TEAD4: variants seen among roughly 807,000 people sequenced by gnomAD.
The protein encoded by TEAD4 is TEA domain transcription factor 4, also known as transcriptional enhancer factor TEF-3.
A neutral mutation model predicts 52.4 loss-of-function variants in TEAD4; 36 were observed. That is an observed-to-expected ratio of 0.69 (90% CI 0.53 to 0.91). TEAD4 has a LOEUF of 0.91. Among genes scored for constraint, TEAD4 ranks in the 40% least tolerant of loss-of-function variants. The pLI is 0.00. For synonymous variants in TEAD4, 220 were observed against 231.0 expected (o/e 0.95, Z 0.43); for missense variants, 508 against 583.9 (o/e 0.87, Z 1.34).
chr12:3,024,933 T>G (rs1292953258), intron 10 of TEAD4, among the ~76,000 whole-genome samples: 1 of 138,964 alleles, frequency 7.2e-6, no homozygotes. Context: ...CTGCTCCAGT[T>G]TGAACGTGTT....
At chr12:2,999,293 C>G (rs1000012605) in intron 3 of TEAD4, among the ~76,000 whole-genome samples, 2 of 152,134 alleles carry the variant, frequency 1.3e-5, no homozygotes, top group Non-Finnish European at 2.9e-5. Context: ...GGTCTTTTCT[C>G]CCCCCTCACT....
At chr12:3,037,228 A>C (rs1423443132) in intron 10 of TEAD4, among the ~76,000 whole-genome samples, 1 of 152,206 alleles carries the variant, frequency 6.6e-6, no homozygotes, top group African/African-American at 2.4e-5. Flanking sequence ...CCTTGTGGCT[A>C]AATGGCTCAA....
intron 2 of TEAD4, among the ~76,000 whole-genome samples, chr12:2,965,028 G>A (rs1026915015): frequency 5.9e-5 from 9 of 152,138 alleles, no homozygotes; most frequent in African/African-American, 1.7e-4. Flanking sequence ...GCCAGGACCT[G>A]GAAGGAGGGT....
At chr12:3,005,875 C>T (rs1472748033) in intron 3 of TEAD4, among the ~76,000 whole-genome samples, 2 of 152,004 alleles carry the variant, frequency 1.3e-5, no homozygotes, top group Non-Finnish European at 2.9e-5. Flanking sequence ...TGGGCTTGGG[C>T]GATCTTCCTG....
At chr12:2,990,053 T>TA (rs2098241775) in intron 2 of TEAD4, among the ~76,000 whole-genome samples, 1 of 152,234 alleles carries the variant, frequency 6.6e-6, no homozygotes, top group Non-Finnish European at 1.5e-5. Flanking sequence ...TACTGTCATT[T>TA]AAAAAATACA....
At chr12:2,974,278 C>T (rs1344744279) in intron 2 of TEAD4, among the ~76,000 whole-genome samples, 1 of 152,214 alleles carries the variant, frequency 6.6e-6, no homozygotes, top group Non-Finnish European at 1.5e-5. Context: ...GCTGGGATTA[C>T]AGGCGTAAGC....
intron 2 of TEAD4, among the ~76,000 whole-genome samples, chr12:2,967,435 A>G (rs1238357942): frequency 6.6e-6 from 1 of 152,202 alleles, no homozygotes; most frequent in Non-Finnish European, 1.5e-5. Context: ...ACTATGCCCT[A>G]CTGACTTTAA....
At chr12:3,038,376 G>T (rs1026668597) in intron 11 of TEAD4, among the ~76,000 whole-genome samples, 13 of 152,208 alleles carry the variant, frequency 8.5e-5, no homozygotes, top group African/African-American at 3.1e-4. Flanking sequence ...GAGCAGAGCC[G>T]CAGCACAGGC....
intron 2 of TEAD4, among the ~76,000 whole-genome samples, chr12:2,964,766 G>A (rs916350828): frequency 5.3e-5 from 8 of 151,886 alleles, no homozygotes; most frequent in African/African-American, 1.7e-4. Context: ...ACCACCGTGC[G>A]CCTGGCCATG....
chr12:3,005,682 G>A (rs928891840), intron 3 of TEAD4, among the ~76,000 whole-genome samples: 1 of 151,974 alleles, frequency 6.6e-6, no homozygotes, highest in Non-Finnish European at 1.5e-5. Context: ...TGTATTTTTA[G>A]TAGAGACGGG....
intron 11 of TEAD4, among the ~76,000 whole-genome samples, chr12:3,039,811 C>T (rs538198057): frequency 8.5e-5 from 13 of 152,350 alleles, no homozygotes; most frequent in African/African-American, 2.9e-4. Context: ...CCTCAGCCTC[C>T]AGAGTAGCTG....
At chr12:2,972,558 G>A (rs903804248) in intron 2 of TEAD4, among the ~76,000 whole-genome samples, 9 of 125,406 alleles carry the variant, frequency 7.2e-5, no homozygotes, top group African/African-American at 2.6e-4. Context: ...GGAGTGCAAT[G>A]GTGCAATCTC....
At chr12:2,964,876 C>G (rs1011762264) in intron 2 of TEAD4, among the ~76,000 whole-genome samples, 1 of 152,128 alleles carries the variant, frequency 6.6e-6, no homozygotes, top group Non-Finnish European at 1.5e-5. Context: ...GTCGACCAGA[C>G]TTTGTGAGGA....
chr12:2,970,053 C>A (rs948888939), intron 2 of TEAD4, among the ~76,000 whole-genome samples: 1 of 151,966 alleles, frequency 6.6e-6, no homozygotes, highest in Non-Finnish European at 1.5e-5. Flanking sequence ...TAGCGAGAAC[C>A]CTGCCTCTAA....
At chr12:2,968,885 G>T (rs1009064481) in intron 2 of TEAD4, among the ~76,000 whole-genome samples, 7 of 152,018 alleles carry the variant, frequency 4.6e-5, no homozygotes, top group Admixed American at 4.6e-4. Context: ...TAAACTCCTC[G>T]CCTCAAGCGA....
chr12:3,016,273 C>G (rs980444510), intron 5 of TEAD4, among the ~76,000 whole-genome samples: 10 of 152,154 alleles, frequency 6.6e-5, no homozygotes, highest in Admixed American at 1.3e-4. Flanking sequence ...AGCGATCTAC[C>G]AACCTCAGCC....
intron 3 of TEAD4, among the ~76,000 whole-genome samples, chr12:3,004,477 C>G (rs996902639): frequency 2.0e-5 from 3 of 152,140 alleles, no homozygotes; most frequent in Non-Finnish European, 2.9e-5. Context: ...AAGTGACCTC[C>G]AATTCCCTGT....
At chr12:3,020,098 G>A (rs977147044) in intron 8 of TEAD4, among the ~76,000 whole-genome samples, 1 of 152,160 alleles carries the variant, frequency 6.6e-6, no homozygotes, top group South Asian at 2.1e-4. Flanking sequence ...TTCAGGACAC[G>A]ATCTAAACTA....
At chr12:2,987,931 GGT>G (rs1406058028) in intron 2 of TEAD4, among the ~76,000 whole-genome samples, 1 of 151,582 alleles carries the variant, frequency 6.6e-6, no homozygotes, top group Admixed American at 6.6e-5. Context: ...CAGGCGTGAT[GGT>G]GGCACATGCC....
Sources: gnomAD v4.1 joint callset for allele counts (sites outside exome capture counted in the v4.1 genomes callset) on GRCh38, gnomAD v4.1.1 for gene constraint, MANE v1.5 for transcripts, NCBI Gene and HGNC (gene_info 2026-07-23, HGNC 2026-07-21) for gene names.